TLK1: variants seen among roughly 807,000 people sequenced by gnomAD.
TLK1 encodes serine/threonine-protein kinase tousled-like 1.
TLK1 carries 24 observed loss-of-function variants against 105.3 expected under a neutral mutation model. The observed-to-expected ratio is 0.23, with a 90% CI of 0.17 to 0.32. TLK1 has a LOEUF of 0.32. TLK1 is among the 10% of genes least tolerant of loss of function. The pLI, the probability that TLK1 is intolerant of heterozygous loss-of-function variation, is 1.00. For missense variants in TLK1, 558 were observed against 910.5 expected (o/e 0.61, Z 4.98); for synonymous variants, 321 against 310.4 (o/e 1.03, Z -0.36).
At chr2:171,141,258 T>C (rs1043425221) in intron 1 of TLK1, among the ~76,000 whole-genome samples, 2 of 152,202 alleles carry the variant, frequency 1.3e-5, no homozygotes, top group Non-Finnish European at 2.9e-5. Context: ...GCAACAGAAC[T>C]TTCTATTCTA....
chr2:171,168,749 T>A (rs1444938357), intron 1 of TLK1, among the ~76,000 whole-genome samples: 1 of 152,126 alleles, frequency 6.6e-6, no homozygotes, highest in Non-Finnish European at 1.5e-5. Flanking sequence ...AACAATATAG[T>A]TACATTGAGA....
chr2:171,185,847 A>C (rs1307600186), intron 1 of TLK1, among the ~76,000 whole-genome samples: 1 of 152,232 alleles, frequency 6.6e-6, no homozygotes, highest in East Asian at 1.9e-4. Context: ...CTACATCTGC[A>C]GTACCTAACA....
At chr2:171,032,106 A>C (rs1686074742) in intron 11 of TLK1, among the ~76,000 whole-genome samples, 1 of 151,550 alleles carries the variant, frequency 6.6e-6, no homozygotes, top group Admixed American at 6.6e-5. Flanking sequence ...ACAACAACAA[A>C]AGGCAACAAC....
chr2:171,217,096 C>G (rs753095246), intron 1 of TLK1, among the ~76,000 whole-genome samples: 2 of 152,204 alleles, frequency 1.3e-5, no homozygotes, highest in Non-Finnish European at 2.9e-5. Context: ...CTTCCAACAG[C>G]AGTGCCACAG....
intron 9 of TLK1, 56 bp downstream of exon 9, chr2:171,050,008 C>T: frequency 6.2e-7 from 1 of 1,610,186 alleles, no homozygotes; most frequent in African/African-American, 1.3e-5. Flanking sequence ...TAAAAGCATA[C>T]AAAGCAAAAG....
At chr2:171,151,851 C>T (rs1297973994) in intron 1 of TLK1, among the ~76,000 whole-genome samples, 1 of 152,048 alleles carries the variant, frequency 6.6e-6, no homozygotes, top group Non-Finnish European at 1.5e-5. Context: ...CAAAGTTGAA[C>T]TAAACTACAT....
chr2:171,191,164 A>C (rs1325751863), intron 1 of TLK1, among the ~76,000 whole-genome samples: 3 of 152,128 alleles, frequency 2.0e-5, no homozygotes, highest in Non-Finnish European at 4.4e-5. Context: ...CATCTTAAAA[A>C]AAAAAAAAAT....
Position 171,148,988 on chromosome 2 carries a change from TTGA to T in TLK1, c.139+11299_139+11301del, listed in dbSNP as rs578144061. ...TATCACGTTGCTTTAGTTGATTTTG[TTGA>T]TATGTATACCAAAACTTAATCTAGT... On this transcript the variant is annotated intron_variant, in intron 1 of 20. Coordinates refer to ENST00000431350, the MANE Select transcript of TLK1 (RefSeq NM_012290.5). Among the ~76,000 whole-genome samples the T allele has an allele frequency of 4.3e-3, 653 of 150,352 alleles. 7 individuals are homozygous for T. Among genetic ancestry groups the T allele is most frequent in the African/African-American group, 0.014 (592 of 41,078 alleles).
chr2:171,149,214 G>A (rs1332270109), intron 1 of TLK1, among the ~76,000 whole-genome samples: 1 of 148,912 alleles, frequency 6.7e-6, no homozygotes, highest in African/African-American at 2.5e-5. Context: ...CTAAAAAAAA[G>A]GGTAGGGGCG....
intron 1 of TLK1, among the ~76,000 whole-genome samples, chr2:171,208,657 C>T (rs1693553403): frequency 1.3e-5 from 2 of 152,126 alleles, no homozygotes; most frequent in Non-Finnish European, 2.9e-5. Context: ...AATCCTAGTG[C>T]TGCTAAATGT....
intron 19 of TLK1, among the ~76,000 whole-genome samples, chr2:170,997,479 T>C (rs537830520): frequency 7.9e-5 from 12 of 152,196 alleles, no homozygotes; most frequent in Admixed American, 3.3e-4. Context: ...TGTTAACAGA[T>C]AGTTACTTCT....
At chr2:171,125,745 T>G (rs548512960) in intron 1 of TLK1, among the ~76,000 whole-genome samples, 1 of 152,326 alleles carries the variant, frequency 6.6e-6, no homozygotes, top group South Asian at 2.1e-4. Context: ...TCAACAGGTT[T>G]TGGGGGAACA....
chr2:171,227,996 A>G (rs1461075411), intron 1 of TLK1, among the ~76,000 whole-genome samples: 5 of 151,972 alleles, frequency 3.3e-5, no homozygotes, highest in African/African-American at 1.2e-4. Flanking sequence ...GCCAACATGG[A>G]GAAACTCCAT....
intron 1 of TLK1, among the ~76,000 whole-genome samples, chr2:171,119,454 A>G (rs533851113): frequency 5.9e-5 from 9 of 152,326 alleles, no homozygotes; most frequent in African/African-American, 1.9e-4. Flanking sequence ...TTCTCAAATC[A>G]CACACCTATT....
chr2:171,195,662 T>C (rs541954105), intron 1 of TLK1, among the ~76,000 whole-genome samples: 5 of 152,334 alleles, frequency 3.3e-5, no homozygotes, highest in African/African-American at 1.2e-4. Context: ...TTGTAAAATA[T>C]TGTCTTCTTA....
rs964336131 is a variant in TLK1, at chr2:171,006,287, G to A, written c.1769-5C>T. 2.1e-5 allele frequency: 33 copies of A among 1,577,964 alleles called. No homozygotes were observed. The highest frequency in any genetic ancestry group is 1.7e-4 in the Middle Eastern group (1 of 5,892). The stretch of plus-strand genomic sequence containing the variant: ...CATCTACCAGTAGGATGTTTCCTAA[G>A]AATAAAATATAAGATTCTTTTAATG... On this transcript the variant is annotated splice_polypyrimidine_tract_variant and splice_region_variant and intron_variant, in intron 17 of 20. Transcript: ENST00000431350.
chr2:171,156,759 T>A (rs1004194696), intron 1 of TLK1, among the ~76,000 whole-genome samples: 11 of 152,224 alleles, frequency 7.2e-5, no homozygotes, highest in African/African-American at 2.7e-4. Flanking sequence ...CTGAAGTCAA[T>A]TACTTTAATT....
intron 1 of TLK1, among the ~76,000 whole-genome samples, chr2:171,214,632 A>G (rs191643572): frequency 6.6e-6 from 1 of 152,192 alleles, no homozygotes; most frequent in African/African-American, 2.4e-5. Context: ...AGTGAGGCTG[A>G]AAAATTTGCA....
chr2:171,011,072 A>G (rs1425946036), intron 14 of TLK1, among the ~76,000 whole-genome samples: 2 of 152,176 alleles, frequency 1.3e-5, no homozygotes. Flanking sequence ...TGGTGCAATC[A>G]TAGCTTATTG....
Sources: gnomAD v4.1 joint callset for allele counts (sites outside exome capture counted in the v4.1 genomes callset) on GRCh38, gnomAD v4.1.1 for gene constraint, MANE v1.5 for transcripts, NCBI Gene and HGNC (gene_info 2026-07-23, HGNC 2026-07-21) for gene names.